Variants in MB21D2 observed in about 807,000 individuals in gnomAD.
MB21D2 encodes the protein Mab-21 domain containing 2, also known as nucleotidyltransferase MB21D2.
In MB21D2, 9 loss-of-function variants were observed where a neutral mutation model predicts 33.3. That is an observed-to-expected ratio of 0.27 (90% CI 0.16 to 0.47). The LOEUF is 0.47. MB21D2 is among the 20% of genes least tolerant of loss of function. MB21D2 has a pLI of 0.99. For synonymous variants in MB21D2, 241 were observed against 236.3 expected (o/e 1.02, Z -0.18); for missense variants, 540 against 624.6 (o/e 0.86, Z 1.44).
chr3:192,915,069 A>G (rs915560342), intron 1 of MB21D2, among the ~76,000 whole-genome samples: 14 of 152,146 alleles, frequency 9.2e-5, no homozygotes, highest in African/African-American at 2.2e-4. Context: ...CTTGCACCCA[A>G]TTCGTGGTTG....
chr3:192,845,970 C>G (rs749076658), intron 1 of MB21D2, among the ~76,000 whole-genome samples: 9 of 152,122 alleles, frequency 5.9e-5, no homozygotes, highest in Non-Finnish European at 1.5e-5. Flanking sequence ...GTAGTCCCAG[C>G]TGCTTGGGAG....
intron 1 of MB21D2, among the ~76,000 whole-genome samples, chr3:192,808,404 A>T (rs997635985): frequency 2.6e-5 from 4 of 152,256 alleles, no homozygotes; most frequent in African/African-American, 9.6e-5. Flanking sequence ...AAATTCAAAA[A>T]GGCTATGAGA....
chr3:192,846,500 G>A (rs113585757), intron 1 of MB21D2, among the ~76,000 whole-genome samples: 3 of 152,062 alleles, frequency 2.0e-5, no homozygotes, highest in African/African-American at 7.2e-5. Context: ...GGCTCAATGT[G>A]TTCACATGTA....
chr3:192,881,973 C>T (rs1713606581), intron 1 of MB21D2, among the ~76,000 whole-genome samples: 1 of 152,106 alleles, frequency 6.6e-6, no homozygotes, highest in South Asian at 2.1e-4. Context: ...TCTTGCTTAT[C>T]CCACAAAAGA....
chr3:192,887,896 G>A (rs921346340), intron 1 of MB21D2, among the ~76,000 whole-genome samples: 8 of 151,960 alleles, frequency 5.3e-5, no homozygotes, highest in African/African-American at 1.9e-4. Flanking sequence ...GGCTTGGGTG[G>A]GGCCTGAAAT....
chr3:192,802,048 C>A (rs1345574439), intron 1 of MB21D2, among the ~76,000 whole-genome samples: 1 of 152,180 alleles, frequency 6.6e-6, no homozygotes, highest in Non-Finnish European at 1.5e-5. Context: ...TGTGATACGG[C>A]ATCCAGGTCC....
At chr3:192,854,448 A>G (rs556300484) in intron 1 of MB21D2, among the ~76,000 whole-genome samples, 31 of 152,356 alleles carry the variant, frequency 2.0e-4, no homozygotes, top group African/African-American at 7.5e-4. Flanking sequence ...AAACTGGCTC[A>G]TGAGATTTAA....
At chr3:192,854,971 G>A (rs1457998192) in intron 1 of MB21D2, among the ~76,000 whole-genome samples, 2 of 152,184 alleles carry the variant, frequency 1.3e-5, no homozygotes, top group African/African-American at 4.8e-5. Context: ...GCACTCTGAT[G>A]GAGATGTACA....
chr3:192,815,620 T>C (rs1295895394), intron 1 of MB21D2, among the ~76,000 whole-genome samples: 1 of 152,210 alleles, frequency 6.6e-6, no homozygotes, highest in African/African-American at 2.4e-5. Flanking sequence ...TGAGATTGGC[T>C]ACTTTTCAAA....
intron 1 of MB21D2, 101 bp downstream of exon 1, chr3:192,917,529 C>CA: frequency 7.7e-7 from 1 of 1,303,108 alleles, no homozygotes; most frequent in African/African-American, 1.5e-5. Context: ...CTCGGGAAGG[C>CA]AACCCAGAAG....
intron 1 of MB21D2, among the ~76,000 whole-genome samples, chr3:192,885,482 G>C (rs911950034): frequency 2.0e-5 from 3 of 152,014 alleles, no homozygotes; most frequent in African/African-American, 7.3e-5. Context: ...GAACTGATCA[G>C]TTGCCTCCAC....
intron 1 of MB21D2, among the ~76,000 whole-genome samples, chr3:192,828,514 G>C (rs1289209951): frequency 6.8e-6 from 1 of 147,094 alleles, no homozygotes; most frequent in Non-Finnish European, 1.5e-5. Context: ...GAAAATGGTA[G>C]ATTTGGACAG....
chr3:192,830,923 T>C (rs1212922030), intron 1 of MB21D2, among the ~76,000 whole-genome samples: 12 of 152,154 alleles, frequency 7.9e-5, no homozygotes, highest in Non-Finnish European at 1.8e-4. Context: ...AACCGACCTA[T>C]GGGTATGAGA....
At position 192,798,756 on chromosome 3, in the gene MB21D2, A is replaced by G; in HGVS notation, c.1106T>C (p.Leu369Pro). The G allele has an allele frequency of 1.2e-6, 2 of 1,613,434 alleles. No homozygotes were observed. Among genetic ancestry groups the G allele is most frequent in the African/African-American group, 1.3e-5 (1 of 75,056 alleles). The change falls in exon 2 of 2, where the codon CTG (leucine) becomes CCG (proline). Residue 369 changes from leucine to proline, a missense_variant. Coordinates refer to ENST00000392452, the MANE Select transcript of MB21D2 (RefSeq NM_178496.4). This position sits in a 1 kb window ranked among gnomAD's most constrained non-coding sequence, Gnocchi z 4.8. The part of the protein sequence containing the change: ...LGLIDDLQHC[L>P]VNKMCPNYFI... ...ATAATTGGGGCACATCTTGTTGACC[A>G]GACAGTGTTGCAGGTCATCGATGAG... is the stretch of plus-strand genomic sequence containing the variant.
At chr3:192,911,453 C>T (rs992352709) in intron 1 of MB21D2, among the ~76,000 whole-genome samples, 3 of 152,122 alleles carry the variant, frequency 2.0e-5, no homozygotes, top group Admixed American at 2.0e-4. Context: ...CAAAAGTCAA[C>T]TGGGATCATG....
chr3:192,901,879 C>T (rs1328581785), intron 1 of MB21D2, among the ~76,000 whole-genome samples: 2 of 152,220 alleles, frequency 1.3e-5, no homozygotes, highest in Admixed American at 1.3e-4. Flanking sequence ...ATTAAATGTT[C>T]TAAATCTGAA....
intron 1 of MB21D2, among the ~76,000 whole-genome samples, chr3:192,910,241 G>A (rs1040356824): frequency 7.6e-6 from 1 of 132,052 alleles, no homozygotes; most frequent in Non-Finnish European, 1.5e-5. Context: ...CAAGGTGGGA[G>A]AATCACTTGA....
intron 1 of MB21D2, among the ~76,000 whole-genome samples, chr3:192,910,065 AG>A (rs1403183106): frequency 6.6e-6 from 1 of 151,808 alleles, no homozygotes; most frequent in Non-Finnish European, 1.5e-5. Context: ...ATGCAGAGAC[AG>A]GAGGCGGCAT....
intron 1 of MB21D2, among the ~76,000 whole-genome samples, chr3:192,890,485 G>A (rs139784449): frequency 7.3e-5 from 11 of 151,692 alleles, no homozygotes; most frequent in Non-Finnish European, 1.5e-4. Context: ...TGTAAGGTCT[G>A]ATGGGGCATC....
Sources: gnomAD v4.1 joint callset for allele counts (sites outside exome capture counted in the v4.1 genomes callset) on GRCh38, gnomAD v4.1.1 for gene constraint, Gnocchi (gnomAD v3.1) non-coding constraint, MANE v1.5 for transcripts, NCBI Gene and HGNC (gene_info 2026-07-23, HGNC 2026-07-21) for gene names.